SKA3: variants seen among roughly 807,000 people sequenced by gnomAD.
SKA3 encodes spindle and kinetochore associated complex subunit 3.
Under a neutral mutation model 44.2 loss-of-function variants are expected in SKA3, and 39 were observed. That is an observed-to-expected ratio of 0.88 (90% CI 0.68 to 1.15). The LOEUF is 1.15. Ranked by LOEUF, SKA3 falls within the 50% of genes most tolerant of loss-of-function variation. The pLI, the probability that SKA3 is intolerant of heterozygous loss-of-function variation, is 0.00. For missense variants in SKA3, 511 were observed against 485.8 expected (o/e 1.05, Z -0.49); for synonymous variants, 192 against 172.0 (o/e 1.12, Z -0.91).
chr13:21,161,964 T>C, intron 4 of SKA3, 89 bp from the exon 5 acceptor site: 3 of 844,052 alleles, frequency 3.6e-6, no homozygotes, highest in Non-Finnish European at 5.6e-6. Flanking sequence ...ATATCAAGTT[T>C]GGACAAACAT....
At chr13:21,175,671 T>C (rs1871459749) in intron 1 of SKA3, among the ~76,000 whole-genome samples, 2 of 152,216 alleles carry the variant, frequency 1.3e-5, no homozygotes, top group Admixed American at 1.3e-4. Flanking sequence ...ATTACAATTA[T>C]GACATTTATG....
At chr13:21,161,053 C>G (rs569798149) in intron 5 of SKA3, among the ~76,000 whole-genome samples, 1 of 152,010 alleles carries the variant, frequency 6.6e-6, no homozygotes, top group Non-Finnish European at 1.5e-5. Context: ...GCCCAAGAGG[C>G]GGAGGTTGCA....
intron 1 of SKA3, 124 bp from the exon 2 acceptor site, chr13:21,172,805 T>C (rs975968075): frequency 1.4e-5 from 8 of 581,878 alleles, no homozygotes; most frequent in African/African-American, 1.3e-4. Flanking sequence ...CATATGACAG[T>C]GGTACCATAA....
At position 21,155,815 on chromosome 13, in the gene SKA3, A is replaced by ATATCTTCTGG. The variant is rs1565990709; in HGVS notation, c.1120-5_1120-4insCCAGAAGATA. The ATATCTTCTGG allele has an allele frequency of 1.0e-6, 1 of 962,574 alleles. No homozygotes were observed. The highest frequency in any genetic ancestry group is 2.9e-5 in the Admixed American group (1 of 34,842). 59.6% of individuals were successfully genotyped at this position (962,574 alleles called of 1,614,324 possible). A position where few individuals can be genotyped will look rare whatever the true frequency, so the allele number is the denominator to read the frequency against. On this transcript the variant is annotated splice_polypyrimidine_tract_variant and splice_region_variant and intron_variant, in intron 7 of 8. Transcript: ENST00000314759. ...TTGAGTTGTATTTTGATAAAAGCTA[A>ATATCTTCTGG]AAAAAAAAAAGGAAATTCCTTTTTA...
In SKA3 at chr13:21,153,828, A is replaced by G. The variant is rs1020112509; in HGVS notation, c.*1322T>C. ...CTGTGGATTTATATACACACGGTAC[A>G]CAGTGAAAGGCTGGTATACATTTCA... On this transcript the variant is annotated 3_prime_UTR_variant, in exon 9 of 9. Coordinates refer to ENST00000314759, the MANE Select transcript of SKA3 (RefSeq NM_145061.6). The G allele has an allele frequency of 3.3e-5, 5 of 152,270 alleles. No individual in the cohort carries two copies. The highest frequency in any genetic ancestry group is 9.6e-5 in the African/African-American group (4 of 41,458). The allele number at this position is 152,270 out of a possible 1,614,324, so 9.4% of individuals were successfully genotyped here. A position where few individuals can be genotyped will look rare whatever the true frequency, so the allele number is the denominator to read the frequency against.
rs200652107 is a variant in SKA3 at position 21,154,786 on chromosome 13, C to T, written c.*364G>A. The T allele has an allele frequency of 5.9e-6, 2 of 339,404 alleles. No homozygotes were observed. Among genetic ancestry groups the T allele is most frequent in the Non-Finnish European group, 5.6e-6 (1 of 179,658 alleles). The allele number at this position is 339,404 out of a possible 1,614,324, so 21.0% of individuals were successfully genotyped here. On this transcript the variant is annotated 3_prime_UTR_variant, in exon 9 of 9. Coordinates refer to ENST00000314759, the MANE Select transcript of SKA3 (RefSeq NM_145061.6). The stretch of plus-strand genomic sequence containing the variant: ...AGAGCTGGCTGGCAGCAATGTCTCT[C>T]TGGCCAGAAGGTCAGGGGCGGCCTC...
chr13:21,161,317 T>C (rs1870426096), intron 5 of SKA3, among the ~76,000 whole-genome samples: 1 of 152,264 alleles, frequency 6.6e-6, no homozygotes, highest in South Asian at 2.1e-4. Flanking sequence ...TTTTTTTATC[T>C]TGCTTTTTCA....
intron 8 of SKA3, among the ~76,000 whole-genome samples, 177 bp from the exon 9 acceptor site, chr13:21,155,327 A>G (rs1162076443): frequency 6.6e-6 from 1 of 152,204 alleles, no homozygotes; most frequent in Non-Finnish European, 1.5e-5. Flanking sequence ...CAAGTTCTAT[A>G]TCAAAAGATA....
chr13:21,166,579 C>A lies in SKA3; in HGVS notation c.743+1409G>T, dbSNP rs777221914. On this transcript the variant is annotated intron_variant, in intron 4 of 8. Coordinates refer to ENST00000314759, the MANE Select transcript of SKA3 (RefSeq NM_145061.6). ...TGAAACCCTGTCTCTACTAAAAATA[C>A]AAAAATTAGCCAAATGTAGTGGTGT... Among the ~76,000 whole-genome samples, 134 of 152,102 alleles carry A rather than the reference C, an allele frequency of 8.8e-4. 1 individual carries two copies. The highest frequency in any genetic ancestry group is 1.8e-3 in the Non-Finnish European group (121 of 68,016).
rs1023637210 is a variant in SKA3 at position 21,175,282 on chromosome 13, C to CT, written c.103+1092dup. 4.1e-5 allele frequency among the ~76,000 whole-genome samples: 6 copies of CT among 147,840 alleles called. No individual in the cohort carries two copies. In the South Asian group the frequency reaches 1.3e-3, roughly 32 times the overall value. Reference sequence around the variant, plus strand: ...CGTGTGCCACCGTGCACGGCCAAATCTTTTTTTCTTTTTGAGACGGACTCT... The same window carrying CT: ...CGTGTGCCACCGTGCACGGCCAAATCTTTTTTTTCTTTTTGAGACGGACTCT... On this transcript the variant is annotated intron_variant, in intron 1 of 8. Transcript: ENST00000314759.
At chr13:21,155,627 A>C (rs1339386135) in intron 8 of SKA3, 66 bp downstream of exon 8, 9 of 1,022,638 alleles carry the variant, frequency 8.8e-6, no homozygotes, top group African/African-American at 3.2e-5. Flanking sequence ...GGATGGTCAA[A>C]TGTTAATTTT....
chr13:21,158,225 G>T, intron 6 of SKA3, 100 bp from the exon 7 acceptor site: 1 of 594,816 alleles, frequency 1.7e-6, no homozygotes, highest in South Asian at 2.8e-5. Context: ...TCTCTAATAG[G>T]CTCCCATATG....
intron 7 of SKA3, 59 bp from the exon 8 acceptor site, chr13:21,155,870 T>C (rs1326680432): frequency 9.9e-7 from 1 of 1,013,236 alleles, no homozygotes; most frequent in East Asian, 2.4e-5. Flanking sequence ...TAACCTAAAT[T>C]TGGAAGAAGT....
At chr13:21,173,679 C>G (rs984101940) in intron 1 of SKA3, among the ~76,000 whole-genome samples, 1 of 152,214 alleles carries the variant, frequency 6.6e-6, no homozygotes, top group East Asian at 1.9e-4. Context: ...CATTCTTCCA[C>G]GTTCGTAATC....
chr13:21,159,967 G>A lies in SKA3; in HGVS notation c.850C>T (p.Pro284Ser), dbSNP rs1000524571. ...GGAGTACAGAATGTAGGTACCAAAG[G>A]AGAGTTGGTATATTCGGCATCTAAA... ...EKSDAEYTNS[P>S]LVPTFCTPGL... is the part of the protein sequence containing the mutation. Residue 284 changes from proline (P) to serine (S), a missense_variant, in exon 6 of 9, where the codon CCT becomes TCT. Physicochemically the swap from Pro to Ser is moderately conservative, Grantham distance 74. Coordinates refer to ENST00000314759, the MANE Select transcript of SKA3 (RefSeq NM_145061.6). 6.2e-7 allele frequency: 1 copy of A among 1,606,486 alleles called. No homozygotes were observed. The highest frequency in any genetic ancestry group is 1.1e-5 in the South Asian group (1 of 89,904).
At position 21,155,812 on chromosome 13, in the gene SKA3, C is replaced by T; in HGVS notation, c.1120-1G>A. 8.9e-7 allele frequency: 1 copy of T among 1,128,546 alleles called. No individual in the cohort carries two copies. Among genetic ancestry groups the T allele is most frequent in the Non-Finnish European group, 1.2e-6 (1 of 832,892 alleles). The allele number at this position is 1,128,546 out of a possible 1,614,324, so 69.9% of individuals were successfully genotyped here. ...GGTTTGAGTTGTATTTTGATAAAAGCTAAAAAAAAAAAAGGAAATTCCTTT... is the reference window on the plus strand; with the variant it reads ...GGTTTGAGTTGTATTTTGATAAAAGTTAAAAAAAAAAAAGGAAATTCCTTT... On this transcript the variant is annotated splice_acceptor_variant, in intron 7 of 8. Coordinates refer to ENST00000314759, the MANE Select transcript of SKA3 (RefSeq NM_145061.6). LOFTEE classifies it high-confidence loss of function.
intron 3 of SKA3, among the ~76,000 whole-genome samples, chr13:21,171,721 T>C (rs1871063123): frequency 6.6e-6 from 1 of 152,182 alleles, no homozygotes; most frequent in Non-Finnish European, 1.5e-5. Context: ...ATGAGATAGA[T>C]ATACTAAACA....
chr13:21,173,256 ATTTC>A lies in SKA3; in HGVS notation c.104-579_104-576del, dbSNP rs560022822. On this transcript the variant is annotated intron_variant, in intron 1 of 8. Coordinates refer to ENST00000314759, the MANE Select transcript of SKA3 (RefSeq NM_145061.6). ...CCCCACAAGGGTAAACTTTAGCCTG[ATTTC>A]TTTTTCTTTTTTTGAGATGGAGTTT... 2.8e-3 allele frequency among the ~76,000 whole-genome samples: 421 copies of A among 152,060 alleles called. 1 individual carries two copies. Among genetic ancestry groups the A allele is most frequent in the Non-Finnish European group, 4.4e-3 (296 of 67,982 alleles).
At position 21,161,890 on chromosome 13, in the gene SKA3, A is replaced by G. The variant is rs1565993147; in HGVS notation, c.744-15T>C. On this transcript the variant is annotated splice_polypyrimidine_tract_variant and intron_variant, in intron 4 of 8. Transcript: ENST00000314759. ...TGGCCTCCTCACTGGTGTGATTCAT[A>G]GGGAAATTACAAGGTTAAAAAAGTT... 2.5e-6 allele frequency: 3 copies of G among 1,178,132 alleles called. No individual in the cohort carries two copies. Among genetic ancestry groups the G allele is most frequent in the East Asian group, 8.0e-5 (2 of 25,038 alleles). 73.0% of individuals were successfully genotyped at this position (1,178,132 alleles called of 1,614,324 possible). A position where few individuals can be genotyped will look rare whatever the true frequency, so the allele number is the denominator to read the frequency against.
Sources: gnomAD v4.1 joint callset for allele counts (sites outside exome capture counted in the v4.1 genomes callset) on GRCh38, gnomAD v4.1.1 for gene constraint, MANE v1.5 for transcripts, NCBI Gene and HGNC (gene_info 2026-07-23, HGNC 2026-07-21) for gene names.